The following PRKD1 variants were observed in gnomAD, a reference collection of about 807,000 sequenced individuals.
PRKD1 encodes serine/threonine-protein kinase D1.
In PRKD1, 63 loss-of-function variants were observed where a neutral mutation model predicts 95.9. The observed-to-expected ratio is 0.66, with a 90% confidence interval of 0.54 to 0.81. The LOEUF (loss-of-function observed/expected upper bound fraction) is 0.81. PRKD1 is among the 30% of genes least tolerant of loss of function. The pLI is 0.00. For synonymous variants in PRKD1, 425 were observed against 423.1 expected (o/e 1.00, Z -0.05); for missense variants, 1,048 against 1,165.3 (o/e 0.90, Z 1.47).
At chr14:29,742,805 T>C (rs1478521699) in intron 1 of PRKD1, among the ~76,000 whole-genome samples, 1 of 152,228 alleles carries the variant, frequency 6.6e-6, no homozygotes, top group Non-Finnish European at 1.5e-5. Flanking sequence ...AGAGAAACAA[T>C]GGCAGCTTAC....
At chr14:29,918,811 C>G (rs889880650) in intron 1 of PRKD1, among the ~76,000 whole-genome samples, 8 of 152,174 alleles carry the variant, frequency 5.3e-5, no homozygotes, top group African/African-American at 1.7e-4. Context: ...TCTCTTTAAT[C>G]TTTTCACCCT....
chr14:29,842,738 G>A (rs1891905161), intron 1 of PRKD1, among the ~76,000 whole-genome samples: 1 of 152,132 alleles, frequency 6.6e-6, no homozygotes, highest in African/African-American at 2.4e-5. Flanking sequence ...GTTGACACAT[G>A]TTAGCCTCCA....
intron 1 of PRKD1, among the ~76,000 whole-genome samples, chr14:29,870,359 C>T (rs1893058951): frequency 6.6e-6 from 1 of 152,020 alleles, no homozygotes. Context: ...TCTCAATGTA[C>T]CCACCAAAAA....
chr14:29,811,141 G>A (rs796684699), intron 1 of PRKD1, among the ~76,000 whole-genome samples: 44 of 152,248 alleles, frequency 2.9e-4, no homozygotes, highest in African/African-American at 1.0e-3. Context: ...GAGGAAAAGT[G>A]CCATTAAAGG....
At chr14:29,791,204 C>T (rs554127893) in intron 1 of PRKD1, among the ~76,000 whole-genome samples, 1 of 152,190 alleles carries the variant, frequency 6.6e-6, no homozygotes, top group East Asian at 1.9e-4. Flanking sequence ...GAAACTGTCT[C>T]TGATTTTCCC....
intron 2 of PRKD1, among the ~76,000 whole-genome samples, chr14:29,720,556 C>T (rs376704164): frequency 1.1e-4 from 17 of 151,918 alleles, no homozygotes; most frequent in East Asian, 3.9e-4. Context: ...CCGAGACAGG[C>T]GGATCACAAG....
At chr14:29,661,638 A>T (rs1005089353) in intron 4 of PRKD1, among the ~76,000 whole-genome samples, 11 of 152,274 alleles carry the variant, frequency 7.2e-5, no homozygotes, top group African/African-American at 2.6e-4. Flanking sequence ...TAGGCACCCC[A>T]TAAGGACACA....
rs1462953494 is a variant in PRKD1 at position 29,927,399 on chromosome 14, G to C, written c.114C>G (p.Phe38Leu). Residue 38 changes from phenylalanine to leucine, a missense_variant, in exon 1 of 18, where the codon TTC becomes TTG. Transcript: ENST00000331968. ...VPGSGPGPAP[F>L]LAPVAAPVGG... ...CGACCGGGGCCGCGACAGGAGCCAA[G>C]AACGGCGCGGGCCCGGGCCCGGACC... is the stretch of plus-strand genomic sequence containing the variant. 6.5e-7 allele frequency: 1 copy of C among 1,533,214 alleles called. No homozygotes were observed. The allele number at this position is 1,533,214 out of a possible 1,614,324, so 95.0% of individuals were successfully genotyped here. A position where few individuals can be genotyped will look rare whatever the true frequency, so the allele number is the denominator to read the frequency against.
chr14:29,811,279 AC>A (rs749122585), intron 1 of PRKD1, among the ~76,000 whole-genome samples: 3 of 152,006 alleles, frequency 2.0e-5, no homozygotes, highest in Non-Finnish European at 2.9e-5. Flanking sequence ...CCAGGGTTCT[AC>A]CCCCACATGC....
intron 1 of PRKD1, among the ~76,000 whole-genome samples, chr14:29,877,214 AG>A (rs1336421093): frequency 1.3e-5 from 2 of 152,342 alleles, no homozygotes; most frequent in South Asian, 4.1e-4. Flanking sequence ...AGTGTTGACA[AG>A]AATGTGGAGA....
intron 1 of PRKD1, among the ~76,000 whole-genome samples, chr14:29,903,964 C>T (rs45482696): frequency 0.065 from 9,874 of 151,980 alleles, 395 homozygotes; most frequent in South Asian, 0.11. Flanking sequence ...CATATATTTA[C>T]GGATGTATTT....
chr14:29,759,617 T>G (rs1484174432), intron 1 of PRKD1, among the ~76,000 whole-genome samples: 2 of 152,172 alleles, frequency 1.3e-5, no homozygotes, highest in Non-Finnish European at 2.9e-5. Flanking sequence ...TAAGTTTGAG[T>G]GTCATTTGAG....
chr14:29,665,969 T>C, intron 3 of PRKD1, 108 bp downstream of exon 3: 22 of 1,261,816 alleles, frequency 1.7e-5, no homozygotes, highest in Non-Finnish European at 2.2e-5. Context: ...ATCCACTCAT[T>C]GGTTGATGGG....
At chr14:29,832,247 A>C (rs991231417) in intron 1 of PRKD1, among the ~76,000 whole-genome samples, 1 of 151,828 alleles carries the variant, frequency 6.6e-6, no homozygotes, top group Non-Finnish European at 1.5e-5. Flanking sequence ...CATCATCAAA[A>C]CTCTTAAACT....
intron 2 of PRKD1, among the ~76,000 whole-genome samples, chr14:29,715,865 G>A (rs973980169): frequency 4.6e-5 from 7 of 152,032 alleles, no homozygotes; most frequent in African/African-American, 1.7e-4. Context: ...ATAATCCAGA[G>A]TCAAATTTAG....
intron 2 of PRKD1, among the ~76,000 whole-genome samples, chr14:29,685,589 A>C (rs1235152238): frequency 2.0e-5 from 3 of 152,200 alleles, no homozygotes; most frequent in African/African-American, 7.2e-5. Context: ...CCAAATCTTG[A>C]GATAGACATT....
At chr14:29,748,203 T>C (rs1887320013) in intron 1 of PRKD1, among the ~76,000 whole-genome samples, 1 of 152,188 alleles carries the variant, frequency 6.6e-6, no homozygotes, top group Non-Finnish European at 1.5e-5. Flanking sequence ...ATTGAATGTA[T>C]GCAATGTGCT....
chr14:29,796,340 C>G (rs371218291), intron 1 of PRKD1, among the ~76,000 whole-genome samples: 1 of 152,016 alleles, frequency 6.6e-6, no homozygotes, highest in African/African-American at 2.4e-5. Flanking sequence ...ATCAAAATTT[C>G]AAAATTATCA....
At chr14:29,822,344 CG>C (rs1400545822) in intron 1 of PRKD1, among the ~76,000 whole-genome samples, 1 of 152,166 alleles carries the variant, frequency 6.6e-6, no homozygotes, top group African/African-American at 2.4e-5. Flanking sequence ...TTTCATCTTA[CG>C]GGCATTGCAC....
Sources: allele counts gnomAD v4.1 joint callset (sites outside exome capture counted in the v4.1 genomes callset), GRCh38; gene constraint gnomAD v4.1.1; transcripts MANE v1.5; gene names NCBI Gene and HGNC (gene_info 2026-07-23, HGNC 2026-07-21).